MYRIP: variants seen among roughly 807,000 people sequenced by gnomAD.
The protein encoded by MYRIP is rab effector MyRIP.
A neutral mutation model predicts 98.0 loss-of-function variants in MYRIP; 49 were observed. That is an observed-to-expected ratio of 0.50 (90% CI 0.40 to 0.63). The LOEUF (loss-of-function observed/expected upper bound fraction) is 0.63. Among genes scored for constraint, MYRIP ranks in the 30% least tolerant of loss-of-function variants. MYRIP has a pLI of 0.00. For missense variants in MYRIP, 1,004 were observed against 1,058.2 expected, an observed-to-expected ratio of 0.95 and a Z score of 0.71; for synonymous variants, 404 against 409.5, an observed-to-expected ratio of 0.99 and a Z score of 0.16.
intron 10 of MYRIP, among the ~76,000 whole-genome samples, chr3:40,192,354 T>TATATCATATA: frequency 2.9e-5 from 1 of 34,894 alleles, no homozygotes; most frequent in East Asian, 5.0e-4. Flanking sequence ...ATATATATAT[T>TATATCATATA]TATATTTATT....
intron 1 of MYRIP, 129 bp from the exon 2 acceptor site, chr3:39,900,658 A>G: frequency 2.0e-6 from 1 of 493,654 alleles, no homozygotes. Flanking sequence ...AGTCTGAGTC[A>G]AGAGAAAGAT....
intron 11 of MYRIP, among the ~76,000 whole-genome samples, chr3:40,220,415 G>A (rs980532782): frequency 6.6e-5 from 10 of 152,050 alleles, no homozygotes; most frequent in Admixed American, 2.0e-4. Flanking sequence ...TTGCTCATGC[G>A]TATGTCCTGA....
At chr3:40,217,670 A>G (rs1457003972) in intron 11 of MYRIP, among the ~76,000 whole-genome samples, 1 of 152,170 alleles carries the variant, frequency 6.6e-6, no homozygotes, top group Non-Finnish European at 1.5e-5. Context: ...TTTGATGAAC[A>G]TTGTGAACCC....
intron 2 of MYRIP, among the ~76,000 whole-genome samples, chr3:39,938,943 A>G (rs1021730944): frequency 4.6e-5 from 7 of 152,258 alleles, no homozygotes; most frequent in Non-Finnish European, 1.0e-4. Context: ...CACCAGGGCA[A>G]TGCTCTTCCC....
At chr3:39,989,581 C>T (rs982226104) in intron 2 of MYRIP, among the ~76,000 whole-genome samples, 2 of 152,252 alleles carry the variant, frequency 1.3e-5, no homozygotes, top group African/African-American at 2.4e-5. Flanking sequence ...GAAACCCACA[C>T]ATCTGGGCTG....
chr3:39,958,139 A>G (rs1397898011), intron 2 of MYRIP, among the ~76,000 whole-genome samples: 1 of 152,216 alleles, frequency 6.6e-6, no homozygotes, highest in Admixed American at 6.5e-5. Context: ...CATCCCTATC[A>G]AGCTACCAAT....
intron 3 of MYRIP, among the ~76,000 whole-genome samples, chr3:40,105,230 T>G (rs989473039): frequency 6.6e-6 from 1 of 152,262 alleles, no homozygotes; most frequent in Admixed American, 6.5e-5. Flanking sequence ...TATGTCTGTA[T>G]AAATGCTTCC....
At chr3:39,816,356 A>G (rs1940911232) in intron 1 of MYRIP, among the ~76,000 whole-genome samples, 1 of 152,194 alleles carries the variant, frequency 6.6e-6, no homozygotes, top group African/African-American at 2.4e-5. Context: ...TGCTGGGATT[A>G]CAGGCGTGAG....
chr3:40,216,474 G>A (rs78862942), intron 11 of MYRIP, among the ~76,000 whole-genome samples: 12 of 152,174 alleles, frequency 7.9e-5, no homozygotes, highest in East Asian at 5.8e-4. Flanking sequence ...ATGTACACCC[G>A]TTTCTCCTAT....
chr3:39,946,496 C>T (rs1013531658), intron 2 of MYRIP, among the ~76,000 whole-genome samples: 7 of 152,058 alleles, frequency 4.6e-5, no homozygotes, highest in South Asian at 2.1e-4. Context: ...CTGCTAGGAA[C>T]GAAAGGTCAG....
chr3:39,930,007 C>T (rs80148911), intron 2 of MYRIP, among the ~76,000 whole-genome samples: 5,661 of 152,036 alleles, frequency 0.037, 200 homozygotes, highest in South Asian at 0.13. Flanking sequence ...ATAAATAATG[C>T]TATTATGAAT....
chr3:39,874,182 T>C (rs529225879), intron 1 of MYRIP, among the ~76,000 whole-genome samples: 16 of 152,306 alleles, frequency 1.1e-4, no homozygotes, highest in South Asian at 4.1e-4. Context: ...TTTTTGTACA[T>C]TGATTTTGTA....
chr3:40,000,076 A>C (rs918424869), intron 2 of MYRIP, among the ~76,000 whole-genome samples: 2 of 151,874 alleles, frequency 1.3e-5, no homozygotes, highest in African/African-American at 4.8e-5. Flanking sequence ...ACCTAATGTT[A>C]AATGACGAGT....
intron 3 of MYRIP, among the ~76,000 whole-genome samples, chr3:40,050,088 G>T (rs1947758552): frequency 6.6e-6 from 1 of 152,138 alleles, no homozygotes; most frequent in Admixed American, 6.6e-5. Context: ...GCTGATGGAG[G>T]AGCTGCAGGT....
In MYRIP at chr3:39,954,213, C is replaced by G. The variant is rs541771966; in HGVS notation, c.110+53287C>G. On this transcript the variant is annotated intron_variant, in intron 2 of 16. Transcript: ENST00000302541. ...TCTGAGAACGGATAGACTGCCTCCT[C>G]AAGTGGGTCCCTGACACCCAAGTAG... 5.9e-5 allele frequency among the ~76,000 whole-genome samples: 9 copies of G among 152,286 alleles called. No homozygotes were observed. In the East Asian group the frequency reaches 1.2e-3, roughly 20 times the overall value.
chr3:40,013,835 G>T (rs889819721), intron 2 of MYRIP, among the ~76,000 whole-genome samples: 11 of 152,322 alleles, frequency 7.2e-5, no homozygotes, highest in Admixed American at 6.5e-4. Flanking sequence ...GGCAGCTCAG[G>T]CATATCTGAG....
intron 3 of MYRIP, among the ~76,000 whole-genome samples, chr3:40,105,065 T>G (rs1949028221): frequency 6.6e-6 from 1 of 152,186 alleles, no homozygotes; most frequent in Non-Finnish European, 1.5e-5. Context: ...TTGCCTGTGT[T>G]GTTCCTTGTT....
intron 2 of MYRIP, among the ~76,000 whole-genome samples, chr3:39,995,090 A>G (rs1479309314): frequency 6.6e-6 from 1 of 152,242 alleles, no homozygotes; most frequent in African/African-American, 2.4e-5. Flanking sequence ...GATGGGGGAA[A>G]AAAACAGCAG....
At chr3:39,916,230 C>T (rs896962775) in intron 2 of MYRIP, among the ~76,000 whole-genome samples, 7 of 151,728 alleles carry the variant, frequency 4.6e-5, no homozygotes, top group African/African-American at 1.7e-4. Context: ...AATAAAAACC[C>T]CAGTTCATTA....
Sources: allele counts gnomAD v4.1 joint callset (sites outside exome capture counted in the v4.1 genomes callset), GRCh38; gene constraint gnomAD v4.1.1; transcripts MANE v1.5; gene names NCBI Gene and HGNC (gene_info 2026-07-23, HGNC 2026-07-21).